Variants in PCF11 observed in about 807,000 individuals in gnomAD.
The protein encoded by PCF11 is PCF11 cleavage and polyadenylation factor subunit.
In PCF11, 19 loss-of-function variants were observed where a neutral mutation model predicts 166.1. The ratio of observed to expected loss-of-function variants is 0.11; its 90% CI spans 0.08 to 0.17. The LOEUF (loss-of-function observed/expected upper bound fraction) is 0.17, where lower values mean the gene tolerates loss of function less well. PCF11 is among the 10% of genes least tolerant of loss of function. The pLI is 1.00. For missense variants in PCF11, 1,565 were observed against 1,855.5 expected (o/e 0.84, Z 2.88); for synonymous variants, 663 against 644.1 (o/e 1.03, Z -0.44).
At chr11:83,179,691 G>A (rs536367683) in intron 11 of PCF11, among the ~76,000 whole-genome samples, 1 of 152,052 alleles carries the variant, frequency 6.6e-6, no homozygotes, top group East Asian at 1.9e-4. Flanking sequence ...ATCACCTGAG[G>A]TCAGGAGTTC....
At chr11:83,178,682 G>A (rs538770680) in intron 11 of PCF11, among the ~76,000 whole-genome samples, 2 of 151,652 alleles carry the variant, frequency 1.3e-5, no homozygotes, top group African/African-American at 4.8e-5. Context: ...GCGCAGTGGC[G>A]GGTGCCTGTA....
exon 8 of PCF11, chr11:83,169,362 G>A (rs761975020): frequency 1.2e-6 from 2 of 1,613,868 alleles, no homozygotes; most frequent in Non-Finnish European, 1.7e-6. Flanking sequence ...TGAGGTTTGA[G>A]GGTCCTTCTG....
intron 9 of PCF11, 52 bp downstream of exon 9, chr11:83,171,966 T>C (rs917235659): frequency 2.3e-6 from 2 of 859,280 alleles, no homozygotes; most frequent in Admixed American, 3.9e-5. Flanking sequence ...TATTGTTTTG[T>C]TGAATAGCTA....
exon 16 of PCF11, chr11:83,185,364 CGA>C (rs1245993900): frequency 4.6e-5 from 7 of 152,328 alleles, no homozygotes; most frequent in South Asian, 2.1e-4. Flanking sequence ...AAGGGGGTTC[CGA>C]GAGAGCACCG....
exon 11 of PCF11, chr11:83,177,790 T>A: frequency 6.5e-7 from 1 of 1,529,028 alleles, no homozygotes; most frequent in Non-Finnish European, 8.9e-7. Context: ...TTCCAGATCT[T>A]ACTAATTTTA....
exon 14 of PCF11, chr11:83,182,416 A>G (rs762448887): frequency 7.0e-6 from 11 of 1,564,326 alleles, no homozygotes; most frequent in Non-Finnish European, 9.7e-6. Context: ...AAATCTGTCA[A>G]GAACAATTTG....
At chr11:83,184,065 T>C (rs1861181246) in intron 15 of PCF11, 2 of 150,484 alleles carry the variant, frequency 1.3e-5, no homozygotes, top group African/African-American at 4.9e-5. Context: ...GGCAGGAGAA[T>C]TGTTTGAATC....
chr11:83,159,833 C>T (rs992753597), intron 1 of PCF11, among the ~76,000 whole-genome samples: 4 of 152,098 alleles, frequency 2.6e-5, no homozygotes, highest in Admixed American at 6.6e-5. Flanking sequence ...AATTTGACTC[C>T]TCCCAAGAGA....
intron 1 of PCF11, 44 bp downstream of exon 1, chr11:83,157,675 T>A: frequency 6.5e-7 from 1 of 1,535,752 alleles, no homozygotes; most frequent in Non-Finnish European, 9.0e-7. Context: ...TAATACTCCC[T>A]GATTTTAGTG....
intron 9 of PCF11, among the ~76,000 whole-genome samples, chr11:83,176,845 CAAAAA>C (rs879497723): frequency 1.4e-5 from 2 of 143,070 alleles, no homozygotes; most frequent in Non-Finnish European, 3.1e-5. Context: ...AATAAAAAAA[CAAAAA>C]AAAAAGAAGG....
intron 1 of PCF11, chr11:83,158,844 T>C (rs1860112432): frequency 6.6e-6 from 1 of 152,252 alleles, no homozygotes; most frequent in Non-Finnish European, 1.5e-5. Flanking sequence ...GTGTGACTGG[T>C]ATTATAAAAT....
At chr11:83,168,547 A>G in exon 8 of PCF11, 1 of 1,614,050 alleles carries the variant, frequency 6.2e-7, no homozygotes, top group Non-Finnish European at 8.5e-7. Flanking sequence ...CGGCCTGGAT[A>G]CAAATCAGCG....
chr11:83,167,350 C>T lies in PCF11; in HGVS notation c.2001+42C>T, dbSNP rs767835403. On this transcript the variant is annotated intron_variant, in intron 6 of 15. Coordinates refer to ENST00000298281, the Ensembl canonical transcript of PCF11. This position sits in a 1 kb window ranked among gnomAD's most constrained non-coding sequence, Gnocchi z 4.2. Reference sequence around the variant, plus strand: ...ATCCCATGTAGTCATCATTATCTATCGTCTATTTTTTTGGTATTTTTTTAT... The same window carrying T: ...ATCCCATGTAGTCATCATTATCTATTGTCTATTTTTTTGGTATTTTTTTAT... 11 of 1,542,408 alleles carry T rather than the reference C, an allele frequency of 7.1e-6. No individual in the cohort carries two copies. Among genetic ancestry groups the T allele is most frequent in the East Asian group, 4.6e-5 (2 of 43,774 alleles).
At chr11:83,179,490 T>G (rs1458135477) in intron 11 of PCF11, among the ~76,000 whole-genome samples, 2 of 152,186 alleles carry the variant, frequency 1.3e-5, no homozygotes, top group African/African-American at 4.8e-5. Flanking sequence ...GCTCAAGTCA[T>G]CTGCCCGCCT....
intron 11 of PCF11, among the ~76,000 whole-genome samples, chr11:83,178,328 T>C (rs1218044400): frequency 6.6e-6 from 1 of 151,634 alleles, no homozygotes; most frequent in Non-Finnish European, 1.5e-5. Flanking sequence ...TCCCTCAAAA[T>C]TTTCATTTTT....
At chr11:83,165,858 A>G in exon 5 of PCF11, 1 of 1,606,404 alleles carries the variant, frequency 6.2e-7, no homozygotes, top group Non-Finnish European at 8.5e-7. Flanking sequence ...TCTAATGAAC[A>G]CATTAAACCA....
chr11:83,173,199 A>G (rs1307020624), intron 9 of PCF11, among the ~76,000 whole-genome samples: 2 of 152,164 alleles, frequency 1.3e-5, no homozygotes, highest in African/African-American at 2.4e-5. Context: ...GCTCACGCCT[A>G]TAATCCCAGC....
exon 12 of PCF11, chr11:83,181,123 C>T: frequency 6.2e-7 from 1 of 1,610,426 alleles, no homozygotes; most frequent in Non-Finnish European, 8.5e-7. Context: ...CTGGCATTAT[C>T]GGCAAAATAG....
chr11:83,184,917 T>G lies in PCF11; in HGVS notation c.*23T>G, dbSNP rs754774904. On this transcript the variant is annotated 3_prime_UTR_variant, in exon 16 of 16. Coordinates refer to ENST00000298281, the Ensembl canonical transcript of PCF11. ...TAAATAAAATGAGAAAGGTATGTTT[T>G]TCTTTTTTAAAAAAGCTGCTGTTGG... 1.1e-5 allele frequency: 16 copies of G among 1,485,646 alleles called. No homozygotes were observed. The South Asian group carries it at 2.1e-4, about 20-fold the overall frequency. 92.0% of individuals were successfully genotyped at this position (1,485,646 alleles called of 1,614,324 possible).
Sources: gnomAD v4.1 joint callset for allele counts (sites outside exome capture counted in the v4.1 genomes callset) on GRCh38, gnomAD v4.1.1 for gene constraint, Gnocchi (gnomAD v3.1) non-coding constraint, MANE v1.5 for transcripts, NCBI Gene and HGNC (gene_info 2026-07-23, HGNC 2026-07-21) for gene names.